Variants in TMEM131 observed in about 807,000 individuals in gnomAD.
The protein encoded by TMEM131 is 2610524E03Rik.
Under a neutral mutation model 211.6 loss-of-function variants are expected in TMEM131, and 66 were observed. That is an observed-to-expected ratio of 0.31 (90% confidence interval 0.26 to 0.38). The LOEUF (loss-of-function observed/expected upper bound fraction) is 0.38. TMEM131 is among the 10% of genes least tolerant of loss of function. The pLI, the probability that TMEM131 is intolerant of heterozygous loss-of-function variation, is 1.00. For synonymous variants in TMEM131, 844 were observed against 841.3 expected (o/e 1.00, Z -0.06); for missense variants, 2,036 against 2,299.3 (o/e 0.89, Z 2.34).
At chr2:97,789,792 G>A (rs1402225144) in intron 31 of TMEM131, among the ~76,000 whole-genome samples, 3 of 152,178 alleles carry the variant, frequency 2.0e-5, no homozygotes, top group African/African-American at 7.2e-5. Flanking sequence ...TTAGAGGGGG[G>A]AGAAACCAAA....
At position 97,759,413 on chromosome 2, in the gene TMEM131, C is replaced by T. The variant is rs184248081; in HGVS notation, c.5206+239G>A. 48 of 536,414 alleles carry T rather than the reference C, an allele frequency of 8.9e-5. No homozygotes were observed. The East Asian group carries it at 1.3e-3, about 15-fold the overall frequency. The allele number at this position is 536,414 out of a possible 1,614,324, so 33.2% of individuals were successfully genotyped here. On this transcript the variant is annotated intron_variant, in intron 39 of 40. Coordinates refer to ENST00000186436, the MANE Select transcript of TMEM131 (RefSeq NM_015348.2). ...ACCCTTCTGTGAAGCCCTTCAATAC[C>T]CGCCATGGAACTCACACCAACTGGT... is the stretch of plus-strand genomic sequence containing the variant.
chr2:97,966,669 A>G (rs1459234820), intron 1 of TMEM131, among the ~76,000 whole-genome samples: 1 of 152,220 alleles, frequency 6.6e-6, no homozygotes, highest in East Asian at 1.9e-4. Context: ...AGAGTCAAAC[A>G]TAACATGAAT....
At chr2:97,810,220 T>G (rs1681490810) in intron 18 of TMEM131, among the ~76,000 whole-genome samples, 1 of 152,160 alleles carries the variant, frequency 6.6e-6, no homozygotes, top group Non-Finnish European at 1.5e-5. Flanking sequence ...ACCTAATTTT[T>G]AAAAATGCAC....
At chr2:97,801,785 T>A in intron 25 of TMEM131, 110 bp downstream of exon 25, 1 of 721,140 alleles carries the variant, frequency 1.4e-6, no homozygotes, top group Non-Finnish European at 2.2e-6. Flanking sequence ...ACTTCTTCAG[T>A]AACTTACCCT....
At chr2:97,759,799 G>C in intron 38 of TMEM131, 50 bp from the exon 39 acceptor site, 1 of 1,364,024 alleles carries the variant, frequency 7.3e-7, no homozygotes. Flanking sequence ...ATGGTGGTTA[G>C]TGCAAACGGA....
chr2:97,835,335 T>C lies in TMEM131; in HGVS notation c.805-410A>G, dbSNP rs545702358. Among the ~76,000 whole-genome samples, 4 of 152,324 alleles carry C rather than the reference T, an allele frequency of 2.6e-5. No homozygotes were observed. In the South Asian group the frequency reaches 6.2e-4, roughly 24 times the overall value. On this transcript the variant is annotated intron_variant, in intron 8 of 40. Transcript: ENST00000186436. ...TGTCACCATCAGAGGTAAATACTTT[T>C]CTAGAAGTCCACAAGAACCTTCATA...
chr2:97,966,953 C>T (rs1037367569), intron 1 of TMEM131, among the ~76,000 whole-genome samples: 1 of 152,156 alleles, frequency 6.6e-6, no homozygotes, highest in African/African-American at 2.4e-5. Flanking sequence ...AAGACAAGCC[C>T]TTGCTTTGAC....
rs1680478766 is a variant in TMEM131, at chr2:97,995,675, G to C, written c.-13C>G. The C allele has an allele frequency of 3.1e-5, 37 of 1,200,538 alleles. No individual in the cohort carries two copies. The highest frequency in any genetic ancestry group is 3.6e-5 in the Non-Finnish European group (35 of 967,540). The allele number at this position is 1,200,538 out of a possible 1,614,324, so 74.4% of individuals were successfully genotyped here. On this transcript the variant is annotated 5_prime_UTR_variant, in exon 1 of 41. Coordinates refer to ENST00000186436, the MANE Select transcript of TMEM131 (RefSeq NM_015348.2). ...CCCGCTTCCCCATCCCTGCCGGCCG[G>C]GGGCCGCCGCGCTCGAGGTCCGGCG...
chr2:97,901,878 T>TA (rs570271269), intron 3 of TMEM131, among the ~76,000 whole-genome samples: 44 of 152,294 alleles, frequency 2.9e-4, no homozygotes, highest in African/African-American at 1.1e-3. Flanking sequence ...CCCTAGTTTT[T>TA]AACAGCAGGG....
At chr2:97,853,249 G>A (rs1673698688) in intron 5 of TMEM131, among the ~76,000 whole-genome samples, 1 of 152,076 alleles carries the variant, frequency 6.6e-6, no homozygotes, top group Non-Finnish European at 1.5e-5. Context: ...ATGGATCTGG[G>A]CAAAGTCCAT....
chr2:97,818,368 T>C (rs1401848596), intron 12 of TMEM131, among the ~76,000 whole-genome samples: 1 of 151,626 alleles, frequency 6.6e-6, no homozygotes, highest in Non-Finnish European at 1.5e-5. Context: ...ATGTATTTGC[T>C]AGTGCTTTTC....
chr2:97,962,213 T>C (rs938564988), intron 1 of TMEM131, among the ~76,000 whole-genome samples: 3 of 152,020 alleles, frequency 2.0e-5, no homozygotes, highest in African/African-American at 7.2e-5. Flanking sequence ...GCTTAAAAAA[T>C]GAAAAGGCTG....
Position 97,879,772 on chromosome 2 carries a change from A to G in TMEM131, c.359+8280T>C, listed in dbSNP as rs148529805. Among the ~76,000 whole-genome samples, 948 of 152,324 alleles carry G rather than the reference A, an allele frequency of 6.2e-3. 14 individuals carry two copies. Among genetic ancestry groups the G allele is most frequent in the African/African-American group, 0.02 (827 of 41,566 alleles). On this transcript the variant is annotated intron_variant, in intron 4 of 40. Coordinates refer to ENST00000186436, the MANE Select transcript of TMEM131 (RefSeq NM_015348.2). ...TTAGCTTCCTTTATGGTAAAAATAC[A>G]GTACATATAATGCCTATTACATACA...
intron 1 of TMEM131, among the ~76,000 whole-genome samples, chr2:97,933,748 C>A (rs1677326607): frequency 6.6e-6 from 1 of 152,008 alleles, no homozygotes; most frequent in South Asian, 2.1e-4. Flanking sequence ...ACCCAAAATT[C>A]AAAAACTGAT....
chr2:97,901,205 AAAT>A (rs1349836541), intron 3 of TMEM131, among the ~76,000 whole-genome samples: 1 of 152,202 alleles, frequency 6.6e-6, no homozygotes, highest in Non-Finnish European at 1.5e-5. Context: ...GTGGGTAAAA[AAAT>A]AATGGCACAA....
chr2:97,760,336 T>G, intron 38 of TMEM131: 1 of 524,326 alleles, frequency 1.9e-6, no homozygotes, highest in Non-Finnish European at 3.4e-6. Context: ...TGAGAACAGG[T>G]GTAACGTGTG....
chr2:97,941,006 A>G (rs1380928403), intron 1 of TMEM131, among the ~76,000 whole-genome samples: 1 of 152,144 alleles, frequency 6.6e-6, no homozygotes, highest in Non-Finnish European at 1.5e-5. Flanking sequence ...AAAAGAACCC[A>G]CATTGCCAAG....
intron 4 of TMEM131, among the ~76,000 whole-genome samples, chr2:97,879,947 T>C (rs1489102950): frequency 2.0e-5 from 3 of 152,190 alleles, no homozygotes; most frequent in Admixed American, 6.5e-5. Context: ...ACCTGCCATG[T>C]TGTTAAAGGA....
At chr2:97,848,225 A>G (rs769977853) in intron 5 of TMEM131, among the ~76,000 whole-genome samples, 6 of 152,234 alleles carry the variant, frequency 3.9e-5, no homozygotes, top group Non-Finnish European at 8.8e-5. Flanking sequence ...TTTTCAACCA[A>G]CAGTCCAGGA....
Sources: allele counts gnomAD v4.1 joint callset (sites outside exome capture counted in the v4.1 genomes callset), GRCh38; gene constraint gnomAD v4.1.1; transcripts MANE v1.5; gene names NCBI Gene and HGNC (gene_info 2026-07-23, HGNC 2026-07-21).